The following LETM1 variants were observed in gnomAD, a reference collection of about 807,000 sequenced individuals.
The protein encoded by LETM1 is mitochondrial proton/calcium exchanger protein.
Under a neutral mutation model 74.5 loss-of-function variants are expected in LETM1, and 50 were observed. The observed-to-expected ratio is 0.67, with a 90% CI of 0.53 to 0.85. The LOEUF (loss-of-function observed/expected upper bound fraction) is 0.85, where lower values mean the gene tolerates loss of function less well. LETM1 is among the 40% of genes least tolerant of loss of function. The pLI, the probability that LETM1 is intolerant of heterozygous loss-of-function variation, is 0.00. For synonymous variants in LETM1, 446 were observed against 407.1 expected (o/e 1.10, Z -1.15); for missense variants, 824 against 967.8 (o/e 0.85, Z 1.97).
intron 10 of LETM1, among the ~76,000 whole-genome samples, chr4:1,821,219 A>G (rs181085817): frequency 2.2e-3 from 334 of 150,698 alleles, no homozygotes; most frequent in African/African-American, 7.6e-3. Context: ...CAGCCTCCTG[A>G]GTAGCTGGGA....
intron 8 of LETM1, 61 bp downstream of exon 8, chr4:1,823,583 C>G (rs1711872995): frequency 1.2e-6 from 2 of 1,603,260 alleles, no homozygotes; most frequent in Admixed American, 3.3e-5. Context: ...CTCCCCCCAC[C>G]CCAGAAGAGC....
intron 6 of LETM1, among the ~76,000 whole-genome samples, chr4:1,826,329 A>G (rs1294245989): frequency 6.6e-6 from 1 of 152,248 alleles, no homozygotes; most frequent in Non-Finnish European, 1.5e-5. Flanking sequence ...TGGGGTAGAC[A>G]GTACCACCAC....
Position 1,841,915 on chromosome 4 carries a change from A to C in LETM1, c.144-118T>G, listed in dbSNP as rs1326372346. ...CCCCGTGCCATGCCATGTCACAACC[A>C]CACACAATCCCACCTACTTCCTGAC... On this transcript the variant is annotated intron_variant, in intron 2 of 13. Transcript: ENST00000302787. 6 of 747,880 alleles carry C rather than the reference A, an allele frequency of 8.0e-6. No homozygotes were observed. The African/African-American group carries it at 1.0e-4, about 13-fold the overall frequency. 46.3% of individuals were successfully genotyped at this position (747,880 alleles called of 1,614,324 possible). A position where few individuals can be genotyped will look rare whatever the true frequency, so the allele number is the denominator to read the frequency against.
intron 6 of LETM1, among the ~76,000 whole-genome samples, chr4:1,830,890 C>T (rs1246074427): frequency 5.9e-5 from 9 of 152,154 alleles, no homozygotes; most frequent in Admixed American, 1.3e-4. Context: ...TGACCTCCTC[C>T]GGTGCATGGT....
At chr4:1,818,177 C>T (rs1249826224) in intron 11 of LETM1, among the ~76,000 whole-genome samples, 1 of 152,318 alleles carries the variant, frequency 6.6e-6, no homozygotes, top group Non-Finnish European at 1.5e-5. Context: ...AAGGAACAGG[C>T]TGAGCTGGTG....
At chr4:1,854,765 C>G (rs887021779) in intron 1 of LETM1, among the ~76,000 whole-genome samples, 1 of 152,006 alleles carries the variant, frequency 6.6e-6, no homozygotes, top group Non-Finnish European at 1.5e-5. Context: ...TGCACTCTAG[C>G]CTGAGCAACA....
intron 9 of LETM1, 171 bp downstream of exon 9, chr4:1,822,817 A>G: frequency 1.9e-6 from 1 of 527,800 alleles, no homozygotes; most frequent in Non-Finnish European, 2.9e-6. Context: ...TCAGAGTTGC[A>G]GCCCTCACAC....
At chr4:1,854,479 CAAA>C (rs538075828) in intron 1 of LETM1, among the ~76,000 whole-genome samples, 4 of 100,448 alleles carry the variant, frequency 4.0e-5, no homozygotes, top group Non-Finnish European at 4.1e-5. Flanking sequence ...GACTCCATTT[CAAA>C]AAAAAAAAAA....
chr4:1,830,019 T>G (rs1265535595), intron 6 of LETM1, among the ~76,000 whole-genome samples: 1 of 152,242 alleles, frequency 6.6e-6, no homozygotes, highest in East Asian at 1.9e-4. Flanking sequence ...ATTTGCAGAT[T>G]TACATCTTTA....
intron 2 of LETM1, among the ~76,000 whole-genome samples, chr4:1,845,011 G>A (rs1324242513): frequency 6.6e-6 from 1 of 151,708 alleles, no homozygotes; most frequent in Non-Finnish European, 1.5e-5. Flanking sequence ...CCAATATGGT[G>A]AAACCCCGTC....
In LETM1 at chr4:1,834,368, A is replaced by G. The variant is rs1361074111; in HGVS notation, c.876+477T>C. ...GCTGCCGTCTCCCCATCCTCACCTC[A>G]CTCACCACATGACCGCAGGAAACCT... On this transcript the variant is annotated intron_variant, in intron 5 of 13. Transcript: ENST00000302787. This position sits in a 1 kb window ranked among gnomAD's most constrained non-coding sequence, Gnocchi z 5.0. The G allele has an allele frequency of 1.5e-5, 15 of 986,496 alleles. No individual in the cohort carries two copies. The highest frequency in any genetic ancestry group is 1.7e-5 in the Non-Finnish European group (14 of 831,578). The allele number at this position is 986,496 out of a possible 1,614,324, so 61.1% of individuals were successfully genotyped here. A position where few individuals can be genotyped will look rare whatever the true frequency, so the allele number is the denominator to read the frequency against.
chr4:1,838,621 T>A (rs1430124011), intron 3 of LETM1, among the ~76,000 whole-genome samples: 1 of 152,166 alleles, frequency 6.6e-6, no homozygotes, highest in Admixed American at 6.5e-5. Context: ...GAGGCTTTGG[T>A]TAGCCATGAG....
chr4:1,856,032 C>T lies in LETM1; in HGVS notation c.-82G>A. On this transcript the variant is annotated 5_prime_UTR_variant, in exon 1 of 14. Transcript: ENST00000302787. ...CCGCGGCTCTTCGCCGTCCCGGCGGCGCTTCAGACCCGGCCCGCGCGGACG... is the reference window on the plus strand; with the variant it reads ...CCGCGGCTCTTCGCCGTCCCGGCGGTGCTTCAGACCCGGCCCGCGCGGACG... 1.1e-6 allele frequency: 1 copy of T among 908,660 alleles called. No individual in the cohort carries two copies. The highest frequency in any genetic ancestry group is 1.4e-6 in the Non-Finnish European group (1 of 704,444). The allele number at this position is 908,660 out of a possible 1,614,324, so 56.3% of individuals were successfully genotyped here.
At chr4:1,830,625 T>C (rs1388075944) in intron 6 of LETM1, among the ~76,000 whole-genome samples, 1 of 152,224 alleles carries the variant, frequency 6.6e-6, no homozygotes. Flanking sequence ...TGAGCCACTG[T>C]GCCTGGCCTT....
In LETM1 at chr4:1,836,837, C is replaced by A. The variant is rs1443607326; in HGVS notation, c.595-265G>T. Among the ~76,000 whole-genome samples, 1 of 152,068 alleles carries A rather than the reference C, an allele frequency of 6.6e-6. No individual in the cohort carries two copies. The highest frequency in any genetic ancestry group is 1.5e-5 in the Non-Finnish European group (1 of 68,006). On this transcript the variant is annotated intron_variant, in intron 3 of 13. Coordinates refer to ENST00000302787, the MANE Select transcript of LETM1 (RefSeq NM_012318.3). The surrounding 1 kb of genome is among the most constrained non-coding windows in gnomAD (Gnocchi z 5.8). ...AGGGCCACTGGGTGCTCCCAGCGAT[C>A]GAGTCCTCCGAGGACACCGGCCAGC...
chr4:1,843,421 A>G (rs964793213), intron 2 of LETM1, among the ~76,000 whole-genome samples: 2 of 152,240 alleles, frequency 1.3e-5, no homozygotes, highest in African/African-American at 2.4e-5. Context: ...CGGCTGGTGC[A>G]GGGCACTGTC....
At position 1,812,141 on chromosome 4, in the gene LETM1, G is replaced by A. The variant is rs1302267854; in HGVS notation, c.*2283C>T. ...GTGAACCCAGGAAGCGGAGCTGGCA[G>A]TGAGCCGAGATCACGCCATTGCACT... On this transcript the variant is annotated 3_prime_UTR_variant, in exon 14 of 14. Transcript: ENST00000302787. The A allele has an allele frequency of 6.7e-5, 10 of 150,248 alleles. No homozygotes were observed. Among genetic ancestry groups the A allele is most frequent in the Admixed American group, 4.0e-4 (6 of 15,068 alleles). 9.3% of individuals were successfully genotyped at this position (150,248 alleles called of 1,614,324 possible).
chr4:1,835,157 C>T (rs923946782), intron 4 of LETM1, among the ~76,000 whole-genome samples, 175 bp from the exon 5 acceptor site: 3 of 152,204 alleles, frequency 2.0e-5, no homozygotes, highest in Admixed American at 6.5e-5. Context: ...AAAAAGTACC[C>T]GTGTGGGCCG....
chr4:1,817,327 C>A (rs950213539), intron 11 of LETM1, among the ~76,000 whole-genome samples: 8 of 150,622 alleles, frequency 5.3e-5, no homozygotes, highest in Non-Finnish European at 1.2e-4. Flanking sequence ...GAGGCCAAGG[C>A]AGGAGGATCA....
Sources: gnomAD v4.1 joint callset for allele counts (sites outside exome capture counted in the v4.1 genomes callset) on GRCh38, gnomAD v4.1.1 for gene constraint, Gnocchi (gnomAD v3.1) non-coding constraint, MANE v1.5 for transcripts, NCBI Gene and HGNC (gene_info 2026-07-23, HGNC 2026-07-21) for gene names.